The following GAREM2 variants were observed in gnomAD, a reference collection of about 807,000 sequenced individuals.
GAREM2 encodes GRB2 associated regulator of MAPK1 subtype 2.
A neutral mutation model predicts 55.6 loss-of-function variants in GAREM2; 30 were observed. That is an observed-to-expected ratio of 0.54 (90% CI 0.40 to 0.73). The LOEUF (loss-of-function observed/expected upper bound fraction) is 0.73. GAREM2 is among the 30% of genes least tolerant of loss of function. The pLI is 0.00. For missense variants in GAREM2, 1,075 were observed against 1,257.7 expected (o/e 0.85, Z 2.20); for synonymous variants, 550 against 569.1 (o/e 0.97, Z 0.48).
chr2:26,191,348 G>A (rs767158795), downstream of GAREM2: 59 of 1,613,994 alleles, frequency 3.7e-5, no homozygotes, highest in Admixed American at 3.3e-5. Flanking sequence ...TTCTTGAGCC[G>A]GTCCACTATC....
At position 26,186,404 on chromosome 2, in the gene GAREM2, G is replaced by C. The variant is rs1023952429; in HGVS notation, c.1598+46G>C. ...GGTCCTGAGTTCTAAGGTAGATCAAGGCAGGGAAGGGTGAGGAGGGGGAAC... is the reference window on the plus strand; with the variant it reads ...GGTCCTGAGTTCTAAGGTAGATCAACGCAGGGAAGGGTGAGGAGGGGGAAC... On this transcript the variant is annotated intron_variant, in intron 5 of 5. Coordinates refer to ENST00000401533, the MANE Select transcript of GAREM2 (RefSeq NM_001168241.2). The C allele has an allele frequency of 3.3e-6, 5 of 1,522,382 alleles. No individual in the cohort carries two copies. In the Admixed American group the frequency reaches 9.9e-5, roughly 30 times the overall value. 94.3% of individuals were successfully genotyped at this position (1,522,382 alleles called of 1,614,324 possible).
chr2:26,184,289 G>A lies in GAREM2; in HGVS notation c.441G>A (p.Ala147=). ...AGGTGTACAACTTCACGCTGCATGC[G>A]GGCGACGAGCTCACTCTTATGGGCC... is the stretch of plus-strand genomic sequence containing the variant. ...DSEVYNFTLH[A]GDELTLMGQA... The change falls in exon 4 of 6, where the codon GCG becomes GCA. Residue 147 remains alanine (A), a synonymous_variant. Transcript: ENST00000401533. The A allele has an allele frequency of 6.4e-7, 1 of 1,551,092 alleles. No individual in the cohort carries two copies. Among genetic ancestry groups the A allele is most frequent in the Non-Finnish European group, 8.7e-7 (1 of 1,146,848 alleles).
chr2:26,181,894 C>T, intron 2 of GAREM2: 1 of 472,820 alleles, frequency 2.1e-6, no homozygotes, highest in African/African-American at 2.1e-5. Context: ...CAGGAGGATC[C>T]CTTGAGCCCA....
chr2:26,182,791 G>A (rs532351988), intron 2 of GAREM2, among the ~76,000 whole-genome samples, 176 bp from the exon 3 acceptor site: 1 of 152,324 alleles, frequency 6.6e-6, no homozygotes, highest in East Asian at 1.9e-4. Flanking sequence ...TGAGGCTGGA[G>A]CCAGATGACC....
intron 2 of GAREM2, chr2:26,181,436 G>A (rs1347084127): frequency 6.6e-6 from 1 of 152,202 alleles, no homozygotes; most frequent in Non-Finnish European, 1.5e-5. Context: ...GGCAGGTTTT[G>A]CCTACCTAGC....
intron 2 of GAREM2, among the ~76,000 whole-genome samples, chr2:26,178,656 C>T (rs897738877): frequency 6.6e-6 from 1 of 152,120 alleles, no homozygotes; most frequent in Admixed American, 6.6e-5. Flanking sequence ...CTGAAAAAAA[C>T]GTGACTTTAG....
At chr2:26,175,252 C>A (rs756744666) in intron 1 of GAREM2, among the ~76,000 whole-genome samples, 1 of 152,302 alleles carries the variant, frequency 6.6e-6, no homozygotes, top group Non-Finnish European at 1.5e-5. Context: ...AGCTGCAGCC[C>A]GGACACAGCC....
At position 26,173,350 on chromosome 2, in the gene GAREM2, G is replaced by A. The variant is rs958131394; in HGVS notation, c.112+18G>A. 6.8e-5 allele frequency: 90 copies of A among 1,325,286 alleles called. No individual in the cohort carries two copies. The African/African-American group carries it at 1.2e-3, about 17-fold the overall frequency. The allele number at this position is 1,325,286 out of a possible 1,614,324, so 82.1% of individuals were successfully genotyped here. ...TGGGCCAGGTACCGGGGTCGCTGGA[G>A]ATGGGGACCGGGGTCCGCGGGGAAA... is the stretch of plus-strand genomic sequence containing the variant. On this transcript the variant is annotated intron_variant, in intron 1 of 5. Coordinates refer to ENST00000401533, the MANE Select transcript of GAREM2 (RefSeq NM_001168241.2).
chr2:26,176,533 C>A, intron 2 of GAREM2, 49 bp downstream of exon 2: 2 of 1,429,524 alleles, frequency 1.4e-6, no homozygotes, highest in Non-Finnish European at 1.9e-6. Flanking sequence ...GGGGTGTAGG[C>A]AGGAGGGACT....
chr2:26,178,494 G>T (rs57598158), intron 2 of GAREM2, among the ~76,000 whole-genome samples: 2 of 152,042 alleles, frequency 1.3e-5, no homozygotes, highest in Non-Finnish European at 2.9e-5. Flanking sequence ...GAAGCCAGGT[G>T]GGGGGGATCC....
chr2:26,198,673 G>C, the GAREM2 span, among the ~76,000 whole-genome samples: 1 of 151,772 alleles, frequency 6.6e-6, no homozygotes, highest in South Asian at 2.1e-4. Context: ...AAAAAAAAAG[G>C]AAAGAAAAGA....
intron 2 of GAREM2, among the ~76,000 whole-genome samples, chr2:26,182,710 A>G (rs1057327580): frequency 1.3e-5 from 2 of 152,130 alleles, no homozygotes; most frequent in Non-Finnish European, 2.9e-5. Flanking sequence ...CGCTAGCCTC[A>G]CTGCATACCC....
intron 4 of GAREM2, 69 bp from the exon 5 acceptor site, chr2:26,186,120 T>C (rs1669244774): frequency 7.1e-7 from 1 of 1,404,366 alleles, no homozygotes; most frequent in Non-Finnish European, 9.4e-7. Flanking sequence ...GCCCAGCTGC[T>C]TGGGAAGGGG....
Position 26,188,093 on chromosome 2 carries a change from A to G in GAREM2, c.2461A>G (p.Ile821Val), listed in dbSNP as rs1170816837. The change falls in exon 6 of 6, where the codon ATC becomes GTC. Residue 821 changes from isoleucine (I) to valine (V), a missense_variant. Physicochemically the swap from Ile to Val is conservative, Grantham distance 29. Transcript: ENST00000401533. ...GGAGGTCTCTCGCAGTCTGCGTTTCATCGGGCTCTCAGAGGATGTGGTGAG... is the reference window on the plus strand; with the variant it reads ...GGAGGTCTCTCGCAGTCTGCGTTTCGTCGGGCTCTCAGAGGATGTGGTGAG... ...LEEVSRSLRF[I>V]GLSEDVVSFF... 1 of 1,550,470 alleles carries G rather than the reference A, an allele frequency of 6.4e-7. No individual in the cohort carries two copies. Among genetic ancestry groups the G allele is most frequent in the South Asian group, 1.2e-5 (1 of 83,742 alleles).
At chr2:26,191,490 A>T (rs771245886), downstream of GAREM2, 1 of 1,614,178 alleles carries the variant, frequency 6.2e-7, no homozygotes, top group South Asian at 1.1e-5. Flanking sequence ...AACCTCCCAG[A>T]CAAGGCGGGA....
intron 4 of GAREM2, 38 bp downstream of exon 4, chr2:26,185,314 C>A: frequency 1.4e-6 from 2 of 1,475,254 alleles, no homozygotes; most frequent in Non-Finnish European, 1.8e-6. Flanking sequence ...CCGGGTCCAG[C>A]CAGGGCCCAA....
At chr2:26,198,606 G>C in the GAREM2 span, among the ~76,000 whole-genome samples, 1 of 151,654 alleles carries the variant, frequency 6.6e-6, no homozygotes. Context: ...ACACTGAAAA[G>C]CTGAGTACAA....
chr2:26,202,219 C>G, the GAREM2 span, among the ~76,000 whole-genome samples: 3 of 152,106 alleles, frequency 2.0e-5, no homozygotes, highest in African/African-American at 7.2e-5. Flanking sequence ...CTCAAGGTTT[C>G]TTTTTTCCCA....
intron 2 of GAREM2, among the ~76,000 whole-genome samples, chr2:26,182,659 G>A (rs574670358): frequency 6.6e-6 from 1 of 152,330 alleles, no homozygotes; most frequent in South Asian, 2.1e-4. Flanking sequence ...GTGTCCACAT[G>A]TTTGGGGCTA....
Sources: gnomAD v4.1 joint callset for allele counts (sites outside exome capture counted in the v4.1 genomes callset) on GRCh38, gnomAD v4.1.1 for gene constraint, MANE v1.5 for transcripts, NCBI Gene and HGNC (gene_info 2026-07-23, HGNC 2026-07-21) for gene names.